UBR1: variants seen among roughly 807,000 people sequenced by gnomAD.
UBR1 encodes the protein ubiquitin protein ligase E3 component n-recognin 1.
A neutral mutation model predicts 242.1 loss-of-function variants in UBR1; 102 were observed. The observed-to-expected ratio is 0.42, with a 90% CI of 0.36 to 0.50. The LOEUF (loss-of-function observed/expected upper bound fraction) is 0.50. UBR1 is among the 20% of genes least tolerant of loss of function. UBR1 has a pLI of 0.01. For synonymous variants in UBR1, 675 were observed against 684.8 expected (o/e 0.99, Z 0.22); for missense variants, 1,772 against 2,101.8 (o/e 0.84, Z 3.07).
In UBR1 at chr15:43,076,534, T is replaced by C. The variant is rs2033897491; in HGVS notation, c.418-1445A>G. On this transcript the variant is annotated intron_variant, in intron 3 of 46. Coordinates refer to ENST00000290650, the MANE Select transcript of UBR1 (RefSeq NM_174916.3). The stretch of plus-strand genomic sequence containing the variant: ...GCCCGGCCGCCCATCGTCTGAGATG[T>C]GGGGAGCGCCTCTGCCCCGCCGCCC... 5.6e-5 allele frequency among the ~76,000 whole-genome samples: 8 copies of C among 142,746 alleles called. No homozygotes were observed. In the South Asian group the frequency reaches 1.8e-3, roughly 32 times the overall value. 93.6% of individuals were successfully genotyped at this position (142,746 alleles called of 152,430 possible). A position where few individuals can be genotyped will look rare whatever the true frequency, so the allele number is the denominator to read the frequency against.
chr15:43,004,704 G>C (rs1273617340), intron 30 of UBR1, among the ~76,000 whole-genome samples: 1 of 152,242 alleles, frequency 6.6e-6, no homozygotes, highest in African/African-American at 2.4e-5. Flanking sequence ...AGGCTGGAGT[G>C]CAGTGGCGTG....
At chr15:43,103,813 A>C (rs569146324) in intron 1 of UBR1, among the ~76,000 whole-genome samples, 7 of 152,352 alleles carry the variant, frequency 4.6e-5, no homozygotes, top group African/African-American at 1.7e-4. Context: ...ATAAACAATA[A>C]GGAGTAGGGG....
At chr15:42,997,610 A>G (rs2032659716) in intron 33 of UBR1, among the ~76,000 whole-genome samples, 1 of 152,208 alleles carries the variant, frequency 6.6e-6, no homozygotes, top group African/African-American at 2.4e-5. Flanking sequence ...GAATATGTAA[A>G]TAAGATGATA....
Position 43,062,450 on chromosome 15 carries a change from A to G in UBR1, c.799-2336T>C, listed in dbSNP as rs574435730. Among the ~76,000 whole-genome samples the G allele has an allele frequency of 4.0e-4, 61 of 152,220 alleles. 1 individual carries two copies. The highest frequency in any genetic ancestry group is 3.7e-4 in the Non-Finnish European group (25 of 68,016). The stretch of plus-strand genomic sequence containing the variant: ...TGCCAGGGGATAGAGGGAGGGGAAA[A>G]GGGGGAATTGTTCAATGGATATAAA... On this transcript the variant is annotated intron_variant, in intron 6 of 46. Transcript: ENST00000290650.
chr15:43,100,306 C>T (rs571143458), intron 1 of UBR1, among the ~76,000 whole-genome samples: 1 of 152,256 alleles, frequency 6.6e-6, no homozygotes, highest in African/African-American at 2.4e-5. Context: ...CCCTTTAACA[C>T]CTCAATCCCA....
chr15:43,007,563 CT>C (rs66785883), intron 29 of UBR1, among the ~76,000 whole-genome samples: 5,776 of 140,360 alleles, frequency 0.041, 170 homozygotes, highest in Non-Finnish European at 0.056. Flanking sequence ...ATAAGCTGGG[CT>C]TTTTTTTTTT....
chr15:42,945,602 G>C, intron 46 of UBR1, 132 bp from the exon 47 acceptor site: 2 of 1,005,974 alleles, frequency 2.0e-6, no homozygotes, highest in Non-Finnish European at 2.8e-6. Context: ...GGCTTAAAAA[G>C]GGATATTTTC....
intron 39 of UBR1, among the ~76,000 whole-genome samples, chr15:42,971,253 A>G (rs1262555161): frequency 6.6e-6 from 1 of 152,180 alleles, no homozygotes; most frequent in Non-Finnish European, 1.5e-5. Context: ...ACCTCTAGAA[A>G]GGGAAGTAGG....
intron 14 of UBR1, among the ~76,000 whole-genome samples, chr15:43,044,464 A>G (rs1191695599): frequency 6.6e-6 from 1 of 152,232 alleles, no homozygotes; most frequent in African/African-American, 2.4e-5. Context: ...TGAATACAGA[A>G]GGGAGACATT....
chr15:43,002,438 C>G, intron 32 of UBR1, 117 bp downstream of exon 32: 4 of 1,208,742 alleles, frequency 3.3e-6, no homozygotes, highest in Non-Finnish European at 4.7e-6. Context: ...CCAGGCTGGT[C>G]TCGAACCCCT....
At position 42,946,146 on chromosome 15, in the gene UBR1, T is replaced by C. The variant is rs142294588; in HGVS notation, c.5109-676A>G. ...TGTTTTTGTTTTTGTTTTTTGGAGA[T>C]GGAGTTTCGCTCTTTTTGCCCAGGC... On this transcript the variant is annotated intron_variant, in intron 46 of 46. Transcript: ENST00000290650. Among the ~76,000 whole-genome samples, 51 of 152,076 alleles carry C rather than the reference T, an allele frequency of 3.4e-4. No individual in the cohort carries two copies. In the East Asian group the frequency reaches 9.7e-3, roughly 29 times the overall value.
chr15:42,956,696 G>C (rs1204358000), intron 44 of UBR1, among the ~76,000 whole-genome samples: 1 of 152,184 alleles, frequency 6.6e-6, no homozygotes, highest in Non-Finnish European at 1.5e-5. Context: ...CTTAATAAAG[G>C]AAGAAGCTGG....
At chr15:43,091,845 T>A (rs774763932) in intron 1 of UBR1, 1 of 296,714 alleles carries the variant, frequency 3.4e-6, no homozygotes, top group Non-Finnish European at 6.2e-6. Context: ...GGCAGGAGAA[T>A]CACTTGAACC....
chr15:43,039,054 C>T (rs2033380871), intron 15 of UBR1, among the ~76,000 whole-genome samples: 2 of 151,074 alleles, frequency 1.3e-5, no homozygotes, highest in African/African-American at 4.9e-5. Flanking sequence ...GTACTTTTTA[C>T]AAAAATTTTT....
At chr15:43,027,683 A>T in intron 22 of UBR1, 93 bp downstream of exon 22, 1 of 1,166,032 alleles carries the variant, frequency 8.6e-7, no homozygotes, top group Non-Finnish European at 1.3e-6. Flanking sequence ...TTGGGAGTTC[A>T]GGCAAGAACT....
At chr15:42,983,106 T>C (rs1443447633) in intron 37 of UBR1, among the ~76,000 whole-genome samples, 2 of 152,206 alleles carry the variant, frequency 1.3e-5, no homozygotes, top group Non-Finnish European at 2.9e-5. Flanking sequence ...GAAGATTAGC[T>C]GTTATAGCCA....
At chr15:43,089,452 G>A (rs965232359) in intron 1 of UBR1, among the ~76,000 whole-genome samples, 5 of 152,098 alleles carry the variant, frequency 3.3e-5, no homozygotes, top group Admixed American at 6.5e-5. Flanking sequence ...CTGAGATTGC[G>A]CCACTGCATT....
At chr15:42,965,022 C>T (rs1332616920) in intron 41 of UBR1, among the ~76,000 whole-genome samples, 2 of 152,160 alleles carry the variant, frequency 1.3e-5, no homozygotes, top group Non-Finnish European at 2.9e-5. Flanking sequence ...ATAAAAAGGA[C>T]TTTATTTCAC....
At chr15:42,971,331 C>T (rs1303678520) in intron 39 of UBR1, among the ~76,000 whole-genome samples, 2 of 152,154 alleles carry the variant, frequency 1.3e-5, no homozygotes, top group Non-Finnish European at 2.9e-5. Context: ...TATTTTCCTC[C>T]ATCAACCTAT....
Sources: gnomAD v4.1 joint callset for allele counts (sites outside exome capture counted in the v4.1 genomes callset) on GRCh38, gnomAD v4.1.1 for gene constraint, MANE v1.5 for transcripts, NCBI Gene and HGNC (gene_info 2026-07-23, HGNC 2026-07-21) for gene names.